The following C1QTNF3 variants were observed in gnomAD, a reference collection of about 807,000 sequenced individuals.
C1QTNF3 encodes complement C1q tumor necrosis factor-related protein 3.
A neutral mutation model predicts 32.6 loss-of-function variants in C1QTNF3; 26 were observed. That is an observed-to-expected ratio of 0.80 (90% CI 0.58 to 1.11). C1QTNF3 has a LOEUF of 1.11. Ranked by LOEUF, C1QTNF3 falls within the 50% of genes least tolerant of loss-of-function variation. The pLI is 0.00. For synonymous variants in C1QTNF3, 155 were observed against 146.0 expected (o/e 1.06, Z -0.44); for missense variants, 362 against 398.2 (o/e 0.91, Z 0.77).
the C1QTNF3 span, among the ~76,000 whole-genome samples, chr5:34,162,584 GA>G: frequency 2.0e-5 from 3 of 152,060 alleles, no homozygotes; most frequent in Non-Finnish European, 2.9e-5. Context: ...TAAATGTATA[GA>G]ATCTTGAATT....
the C1QTNF3 span, among the ~76,000 whole-genome samples, chr5:34,115,915 A>T: frequency 1.3e-5 from 2 of 152,116 alleles, no homozygotes; most frequent in Admixed American, 1.3e-4. Context: ...TCATGTTTTT[A>T]ATTTATTTCT....
At chr5:34,087,919 C>T in the C1QTNF3 span, among the ~76,000 whole-genome samples, 7 of 152,166 alleles carry the variant, frequency 4.6e-5, no homozygotes, top group Non-Finnish European at 1.0e-4. Flanking sequence ...GTAATTGGCC[C>T]TCTAGATTCC....
At chr5:34,177,290 G>A in the C1QTNF3 span, among the ~76,000 whole-genome samples, 1 of 152,074 alleles carries the variant, frequency 6.6e-6, no homozygotes, top group Non-Finnish European at 1.5e-5. Context: ...TTCAGACAGT[G>A]CAGACATGGG....
At chr5:34,139,082 G>C in the C1QTNF3 span, among the ~76,000 whole-genome samples, 1 of 151,932 alleles carries the variant, frequency 6.6e-6, no homozygotes, top group Non-Finnish European at 1.5e-5. Flanking sequence ...ATGTATCTAA[G>C]TATGTTTGTA....
At chr5:34,071,992 A>G in the C1QTNF3 span, among the ~76,000 whole-genome samples, 2 of 151,308 alleles carry the variant, frequency 1.3e-5, no homozygotes, top group Admixed American at 1.3e-4. Flanking sequence ...CGTGTCTTCA[A>G]TCTTGATTTG....
At chr5:34,147,005 G>C in the C1QTNF3 span, among the ~76,000 whole-genome samples, 1 of 152,088 alleles carries the variant, frequency 6.6e-6, no homozygotes, top group Non-Finnish European at 1.5e-5. Context: ...GGCAATAGAC[G>C]TTAACAGATA....
intron 3 of C1QTNF3, 156 bp from the exon 4 acceptor site, chr5:34,029,039 C>T (rs777813967): frequency 6.9e-5 from 37 of 536,640 alleles, no homozygotes; most frequent in Non-Finnish European, 1.1e-4. Flanking sequence ...GTAATTCCAA[C>T]ATTTGAATGC....
chr5:34,131,521 A>G, the C1QTNF3 span, among the ~76,000 whole-genome samples: 89 of 152,290 alleles, frequency 5.8e-4, 1 homozygote, highest in Middle Eastern at 3.4e-3. Context: ...AAAATAAGCT[A>G]AGAACAGAAA....
chr5:34,114,596 CTTATT>C, the C1QTNF3 span, among the ~76,000 whole-genome samples: 1 of 152,002 alleles, frequency 6.6e-6, no homozygotes, highest in African/African-American at 2.4e-5. Context: ...CACATTCTAT[CTTATT>C]TTGACAGATC....
At position 34,032,401 on chromosome 5, in the gene C1QTNF3, T is replaced by C. The variant is rs544200408; in HGVS notation, c.570+903A>G. On this transcript the variant is annotated intron_variant, in intron 3 of 5. Transcript: ENST00000382065. ...TAAATTGATTTTTTAAACTTTATGC[T>C]GAAATGAATGTAATCTGGTCTGGAA... is the stretch of plus-strand genomic sequence containing the variant. Among the ~76,000 whole-genome samples the C allele has an allele frequency of 3.9e-5, 6 of 152,344 alleles. No individual in the cohort carries two copies. The South Asian group carries it at 1.2e-3, about 32-fold the overall frequency.
chr5:34,237,431 A>G, the C1QTNF3 span, among the ~76,000 whole-genome samples: 3 of 152,200 alleles, frequency 2.0e-5, no homozygotes, highest in Non-Finnish European at 2.9e-5. Flanking sequence ...TACATATTTA[A>G]TTATCCTTTA....
At chr5:34,120,242 T>C in the C1QTNF3 span, among the ~76,000 whole-genome samples, 1 of 152,208 alleles carries the variant, frequency 6.6e-6, no homozygotes, top group South Asian at 2.1e-4. Flanking sequence ...GGAACTCAAA[T>C]ATTTCTACTC....
chr5:34,042,829 C>T lies in C1QTNF3; in HGVS notation c.297G>A (p.Trp99Ter). ...VDDLAQITTF[W>*]GQSPQTGGLP... ...AGAAGAGAATTCTGAGTACCTGGCC[C>T]CAGAATGTGGTGATCTGGGCTAGGT... The change falls in exon 1 of 6, where the codon TGG (tryptophan) becomes TGA (stop). Residue 99 changes from tryptophan to a stop codon, truncating the protein, a stop_gained. Transcript: ENST00000382065. LOFTEE classifies it high-confidence loss of function. 6.2e-7 allele frequency: 1 copy of T among 1,611,004 alleles called. No homozygotes were observed. Among genetic ancestry groups the T allele is most frequent in the Non-Finnish European group, 8.5e-7 (1 of 1,177,928 alleles).
the C1QTNF3 span, chr5:34,165,238 G>A: frequency 1.8e-4 from 27 of 152,056 alleles, no homozygotes; most frequent in African/African-American, 5.8e-4. Context: ...GAAGCTTCAG[G>A]ACTTGGAGAA....
chr5:34,172,942 T>C, the C1QTNF3 span, among the ~76,000 whole-genome samples: 2 of 152,218 alleles, frequency 1.3e-5, no homozygotes, highest in Non-Finnish European at 2.9e-5. Flanking sequence ...GGATCACATA[T>C]ATGCCTTTAC....
chr5:34,236,043 G>A, the C1QTNF3 span, among the ~76,000 whole-genome samples: 1 of 152,268 alleles, frequency 6.6e-6, no homozygotes, highest in East Asian at 1.9e-4. Context: ...GGCCACTCCA[G>A]TCAAGCATAC....
chr5:34,183,382 G>A, the C1QTNF3 span, among the ~76,000 whole-genome samples: 1 of 119,388 alleles, frequency 8.4e-6, no homozygotes, highest in African/African-American at 3.2e-5. Context: ...CCAGGCTGGA[G>A]TGTAGTGCTG....
At chr5:34,025,701 C>T (rs1020019613) in intron 4 of C1QTNF3, among the ~76,000 whole-genome samples, 34 of 152,190 alleles carry the variant, frequency 2.2e-4, no homozygotes, top group Non-Finnish European at 3.7e-4. Flanking sequence ...AGAAGCTGAA[C>T]GTCTGGCCCA....
the C1QTNF3 span, among the ~76,000 whole-genome samples, chr5:34,139,074 G>A: frequency 6.6e-6 from 1 of 151,978 alleles, no homozygotes; most frequent in Non-Finnish European, 1.5e-5. Flanking sequence ...CATATTGTAT[G>A]TATCTAAGTA....
Sources: gnomAD v4.1 joint callset for allele counts (sites outside exome capture counted in the v4.1 genomes callset) on GRCh38, gnomAD v4.1.1 for gene constraint, MANE v1.5 for transcripts, NCBI Gene and HGNC (gene_info 2026-07-23, HGNC 2026-07-21) for gene names.